The following RAPGEF1 variants were observed in gnomAD, a reference collection of about 807,000 sequenced individuals.
RAPGEF1 encodes CRK SH3-binding GNRP.
Under a neutral mutation model 143.3 loss-of-function variants are expected in RAPGEF1, and 33 were observed. The observed-to-expected ratio is 0.23, with a 90% CI of 0.17 to 0.31. The LOEUF (loss-of-function observed/expected upper bound fraction) is 0.31. RAPGEF1 is among the 10% of genes least tolerant of loss of function. RAPGEF1 has a pLI of 1.00. For missense variants in RAPGEF1, 1,199 were observed against 1,645.4 expected (o/e 0.73, Z 4.69); for synonymous variants, 629 against 676.5 (o/e 0.93, Z 1.09).
chr9:131,691,456 C>G (rs568552569), intron 1 of RAPGEF1, among the ~76,000 whole-genome samples: 7 of 152,294 alleles, frequency 4.6e-5, no homozygotes, highest in Non-Finnish European at 1.0e-4. Context: ...GCCACAGAAA[C>G]AGCCAAATTT....
chr9:131,628,993 A>G lies in RAPGEF1; in HGVS notation c.893+109T>C, dbSNP rs1588585306. 2 of 1,410,700 alleles carry G rather than the reference A, an allele frequency of 1.4e-6. No homozygotes were observed. Among genetic ancestry groups the G allele is most frequent in the Admixed American group, 5.0e-5 (2 of 39,692 alleles). The allele number at this position is 1,410,700 out of a possible 1,614,324, so 87.4% of individuals were successfully genotyped here. Reference sequence around the variant, plus strand: ...GGGACAGCTCCAGAGTCAGCCTCCCAAGGGGGGCCAAGCCCTCAGCGCTGA... The same window carrying G: ...GGGACAGCTCCAGAGTCAGCCTCCCGAGGGGGGCCAAGCCCTCAGCGCTGA... On this transcript the variant is annotated intron_variant, in intron 7 of 26. Coordinates refer to ENST00000683357, the MANE Select transcript of RAPGEF1 (RefSeq NM_001377935.1). The surrounding 1 kb of genome is among the most constrained non-coding windows in gnomAD (Gnocchi z 5.7).
chr9:131,588,519 C>A (rs1588217553), intron 20 of RAPGEF1, among the ~76,000 whole-genome samples: 1 of 152,314 alleles, frequency 6.6e-6, no homozygotes, highest in Non-Finnish European at 1.5e-5. Flanking sequence ...GCTGGGACAA[C>A]CCAGAACTGA....
chr9:131,614,182 A>C (rs1015815630), intron 12 of RAPGEF1, among the ~76,000 whole-genome samples: 3 of 151,040 alleles, frequency 2.0e-5, no homozygotes, highest in East Asian at 2.0e-4. Context: ...CCCCTCTCCC[A>C]CCCCCGGCTA....
At chr9:131,591,703 C>T (rs1376817476) in intron 18 of RAPGEF1, among the ~76,000 whole-genome samples, 1 of 152,182 alleles carries the variant, frequency 6.6e-6, no homozygotes, top group Non-Finnish European at 1.5e-5. Context: ...GGGCTCAGCT[C>T]TGAGAAGCTG....
chr9:131,733,417 CACAA>C (rs1219058939), intron 1 of RAPGEF1, among the ~76,000 whole-genome samples: 4 of 148,108 alleles, frequency 2.7e-5, no homozygotes, highest in Non-Finnish European at 5.9e-5. Flanking sequence ...AGCTTAAAAA[CACAA>C]ACAGAGGAGC....
At chr9:131,610,016 C>T (rs760044642) in intron 12 of RAPGEF1, among the ~76,000 whole-genome samples, 2 of 152,122 alleles carry the variant, frequency 1.3e-5, no homozygotes, top group African/African-American at 2.4e-5. Context: ...CCTGCCTCAG[C>T]CTCTCAAATA....
chr9:131,711,157 C>G (rs541026819), intron 1 of RAPGEF1, among the ~76,000 whole-genome samples: 47 of 148,238 alleles, frequency 3.2e-4, no homozygotes, highest in African/African-American at 1.2e-3. Flanking sequence ...CCCAAGCAAT[C>G]CTCCTCCCTC....
At position 131,621,960 on chromosome 9, in the gene RAPGEF1, GCTC is replaced by G; in HGVS notation, c.1738_1740del (p.Glu580del). On this transcript the variant is annotated inframe_deletion, in exon 11 of 27. Transcript: ENST00000683357. This position sits in a 1 kb window ranked among gnomAD's most constrained non-coding sequence, Gnocchi z 4.5. Reference sequence around the variant, plus strand: ...GTCTGGTAGAACATAGAGGGCTGCGGCTCCGAGTAGTCCTCCAGCAACTGCATG... The same window carrying G: ...GTCTGGTAGAACATAGAGGGCTGCGGCGAGTAGTCCTCCAGCAACTGCATG... The G allele has an allele frequency of 6.2e-7, 1 of 1,613,642 alleles. No homozygotes were observed. The highest frequency in any genetic ancestry group is 2.2e-5 in the East Asian group (1 of 44,868).
At chr9:131,582,789 C>T in intron 24 of RAPGEF1, 87 bp from the exon 25 acceptor site, 1 of 1,214,246 alleles carries the variant, frequency 8.2e-7, no homozygotes, top group Non-Finnish European at 1.1e-6. Context: ...TCCTCACTAA[C>T]TGGAGGGTCA....
chr9:131,647,650 A>G (rs940503666), intron 3 of RAPGEF1, among the ~76,000 whole-genome samples: 1 of 152,178 alleles, frequency 6.6e-6, no homozygotes, highest in African/African-American at 2.4e-5. Flanking sequence ...GAAGTTTCTC[A>G]ATGCTTCTGG....
chr9:131,608,765 AGATGCC>A (rs1957526838), intron 12 of RAPGEF1, among the ~76,000 whole-genome samples: 1 of 152,210 alleles, frequency 6.6e-6, no homozygotes, highest in Non-Finnish European at 1.5e-5. Flanking sequence ...TGGGCTCTGC[AGATGCC>A]AGGAGCTGCA....
chr9:131,729,839 A>G (rs549390266), intron 1 of RAPGEF1, among the ~76,000 whole-genome samples: 4 of 152,340 alleles, frequency 2.6e-5, no homozygotes, highest in African/African-American at 9.6e-5. Flanking sequence ...ACAGGAAATA[A>G]TAAATGTGAG....
Position 131,617,226 on chromosome 9 carries a change from C to T in RAPGEF1, c.2061+1825G>A, listed in dbSNP as rs1052872188. Among the ~76,000 whole-genome samples the T allele has an allele frequency of 5.9e-5, 9 of 152,260 alleles. 1 individual carries two copies. The highest frequency in any genetic ancestry group is 4.1e-4 in the South Asian group (2 of 4,830). On this transcript the variant is annotated intron_variant, in intron 12 of 26. Transcript: ENST00000683357. ...CAAAAATCTAGCTCAGTCAAGAGCTCGGATTGTCTAAAGGCCAAGTTTCGC... is the reference window on the plus strand; with the variant it reads ...CAAAAATCTAGCTCAGTCAAGAGCTTGGATTGTCTAAAGGCCAAGTTTCGC...
chr9:131,707,693 G>A (rs1394253402), intron 1 of RAPGEF1, among the ~76,000 whole-genome samples: 2 of 152,102 alleles, frequency 1.3e-5, no homozygotes, highest in Non-Finnish European at 1.5e-5. Context: ...TGCCTGCCTC[G>A]GCCTTCCAAA....
At chr9:131,706,294 G>A (rs2131166429) in intron 1 of RAPGEF1, among the ~76,000 whole-genome samples, 1 of 151,606 alleles carries the variant, frequency 6.6e-6, no homozygotes, top group South Asian at 2.1e-4. Context: ...CAGGGGTTTT[G>A]CTCTGTCACC....
intron 1 of RAPGEF1, among the ~76,000 whole-genome samples, chr9:131,670,979 C>T (rs1290810560): frequency 6.6e-6 from 1 of 152,184 alleles, no homozygotes; most frequent in African/African-American, 2.4e-5. Flanking sequence ...AGACAGCCAT[C>T]CCCCTTCCCT....
At chr9:131,664,588 A>C (rs1830135140) in intron 1 of RAPGEF1, among the ~76,000 whole-genome samples, 1 of 152,176 alleles carries the variant, frequency 6.6e-6, no homozygotes, top group Non-Finnish European at 1.5e-5. Flanking sequence ...TAACATCATC[A>C]ATCTATTCAT....
intron 17 of RAPGEF1, 56 bp downstream of exon 17, chr9:131,596,242 C>A: frequency 6.4e-7 from 1 of 1,553,720 alleles, no homozygotes; most frequent in Non-Finnish European, 8.9e-7. Flanking sequence ...GGTGGGAGGC[C>A]GAGTGGCACC....
intron 1 of RAPGEF1, among the ~76,000 whole-genome samples, chr9:131,716,358 G>T (rs1326470487): frequency 6.6e-6 from 1 of 152,256 alleles, no homozygotes; most frequent in African/African-American, 2.4e-5. Flanking sequence ...TTTACTTGTT[G>T]TTCTTTACAA....
Sources: allele counts gnomAD v4.1 joint callset (sites outside exome capture counted in the v4.1 genomes callset), GRCh38; gene constraint gnomAD v4.1.1; non-coding constraint Gnocchi (gnomAD v3.1); transcripts MANE v1.5; gene names NCBI Gene and HGNC (gene_info 2026-07-23, HGNC 2026-07-21).